The following COL23A1 variants were observed in gnomAD, a reference collection of about 807,000 sequenced individuals.
The protein encoded by COL23A1 is collagen alpha-1(XXIII) chain.
A neutral mutation model predicts 99.3 loss-of-function variants in COL23A1; 97 were observed. The ratio of observed to expected loss-of-function variants is 0.98; its 90% CI spans 0.83 to 1.16. COL23A1 has a LOEUF of 1.16. Among genes scored for constraint, COL23A1 ranks in the 50% most tolerant of loss-of-function variants. The probability of loss-of-function intolerance (pLI) is 0.00; values close to 1 mark genes in which losing one functional copy is unlikely to be tolerated. For synonymous variants in COL23A1, 320 were observed against 308.2 expected, an observed-to-expected ratio of 1.04 and a Z score of -0.40; for missense variants, 762 against 757.4, an observed-to-expected ratio of 1.01 and a Z score of -0.07.
intron 2 of COL23A1, among the ~76,000 whole-genome samples, chr5:178,541,654 C>T (rs1264651543): frequency 1.3e-5 from 2 of 152,176 alleles, no homozygotes. Flanking sequence ...TTGTACACAA[C>T]AGAAATGCAT....
At chr5:178,484,483 T>G (rs1348134062) in intron 2 of COL23A1, among the ~76,000 whole-genome samples, 1 of 152,066 alleles carries the variant, frequency 6.6e-6, no homozygotes, top group East Asian at 1.9e-4. Context: ...CATGGGACAT[T>G]ATGACTGTTT....
rs529032116 is a variant in COL23A1 at position 178,366,874 on chromosome 5, G to A, written c.362-59955C>T. Among the ~76,000 whole-genome samples, 8 of 152,304 alleles carry A rather than the reference G, an allele frequency of 5.3e-5. No individual in the cohort carries two copies. The South Asian group carries it at 1.4e-3, about 28-fold the overall frequency. ...GTCCTGCCCTCCTCTGCAGCCCCACGTGGCCCACTTGGCATGAGTGGCTGG... is the reference window on the plus strand; with the variant it reads ...GTCCTGCCCTCCTCTGCAGCCCCACATGGCCCACTTGGCATGAGTGGCTGG... On this transcript the variant is annotated intron_variant, in intron 2 of 28. Coordinates refer to ENST00000390654, the MANE Select transcript of COL23A1 (RefSeq NM_173465.4). The surrounding 1 kb of genome is among the most constrained non-coding windows in gnomAD (Gnocchi z 4.4).
intron 1 of COL23A1, among the ~76,000 whole-genome samples, chr5:178,580,914 C>A (rs942447856): frequency 1.3e-5 from 2 of 151,974 alleles, no homozygotes; most frequent in Non-Finnish European, 2.9e-5. Flanking sequence ...GAGGCTGAGG[C>A]GGAAGGATCA....
intron 2 of COL23A1, among the ~76,000 whole-genome samples, chr5:178,420,522 C>T (rs1765570697): frequency 1.3e-5 from 1 of 79,816 alleles, no homozygotes; most frequent in Non-Finnish European, 2.6e-5. Context: ...TCCTCTCCTC[C>T]CCCTCCTCAC....
chr5:178,457,093 C>T (rs571363339), intron 2 of COL23A1, among the ~76,000 whole-genome samples: 4 of 152,340 alleles, frequency 2.6e-5, no homozygotes, highest in South Asian at 2.1e-4. Flanking sequence ...GTGTGGGCCA[C>T]GTGTCTGAGG....
chr5:178,245,368 A>G (rs1764629230), intron 25 of COL23A1, among the ~76,000 whole-genome samples: 1 of 150,084 alleles, frequency 6.7e-6, no homozygotes, highest in Non-Finnish European at 1.5e-5. Context: ...CCATCCATCC[A>G]TCCATCCATC....
At chr5:178,344,907 C>A (rs922099721) in intron 2 of COL23A1, 1 of 738,618 alleles carries the variant, frequency 1.4e-6, no homozygotes, top group Non-Finnish European at 2.3e-6. Context: ...TCAGGGACAA[C>A]ACGTAGAGAA....
intron 2 of COL23A1, among the ~76,000 whole-genome samples, chr5:178,556,625 T>TAAAATAAAA (rs1554196186): frequency 8.0e-6 from 1 of 124,470 alleles, no homozygotes; most frequent in Admixed American, 8.3e-5. Context: ...CTCTGTCAAA[T>TAAAATAAAA]TAAAATAAAA....
At chr5:178,541,547 C>A (rs1213283653) in intron 2 of COL23A1, among the ~76,000 whole-genome samples, 1 of 152,162 alleles carries the variant, frequency 6.6e-6, no homozygotes, top group African/African-American at 2.4e-5. Flanking sequence ...TGCACTCCAG[C>A]CTGGGTGACA....
intron 2 of COL23A1, among the ~76,000 whole-genome samples, chr5:178,449,941 A>AC (rs1252187984): frequency 6.6e-6 from 1 of 152,202 alleles, no homozygotes; most frequent in East Asian, 1.9e-4. Context: ...CAGAAGAACA[A>AC]CACCTGACCT....
chr5:178,392,936 T>C (rs1764042908), intron 2 of COL23A1, among the ~76,000 whole-genome samples: 2 of 152,158 alleles, frequency 1.3e-5, no homozygotes, highest in Admixed American at 6.5e-5. Flanking sequence ...TTAGTGCAAC[T>C]CCTCACCAGT....
At chr5:178,367,359 C>G (rs1045278982) in intron 2 of COL23A1, among the ~76,000 whole-genome samples, 3 of 150,222 alleles carry the variant, frequency 2.0e-5, no homozygotes, top group African/African-American at 7.5e-5. Flanking sequence ...TCTGGAGCGG[C>G]AAGAAGCAGC....
intron 5 of COL23A1, among the ~76,000 whole-genome samples, chr5:178,283,185 C>T (rs984661598): frequency 5.9e-5 from 9 of 152,130 alleles, no homozygotes; most frequent in East Asian, 5.8e-4. Flanking sequence ...CGCGCCCGGC[C>T]GGGACAAGTG....
At chr5:178,253,167 G>A (rs1428793392) in intron 16 of COL23A1, among the ~76,000 whole-genome samples, 1 of 152,088 alleles carries the variant, frequency 6.6e-6, no homozygotes, top group African/African-American at 2.4e-5. Context: ...CAGGCTACCT[G>A]CCACCAGGGC....
chr5:178,452,978 G>C (rs1767569534), intron 2 of COL23A1, among the ~76,000 whole-genome samples: 1 of 152,212 alleles, frequency 6.6e-6, no homozygotes, highest in African/African-American at 2.4e-5. Flanking sequence ...GATATTGTCT[G>C]TGATGGCAAA....
At chr5:178,362,831 A>G (rs913908135) in intron 2 of COL23A1, among the ~76,000 whole-genome samples, 11 of 152,030 alleles carry the variant, frequency 7.2e-5, no homozygotes, top group Admixed American at 4.6e-4. Context: ...AGCCCAGCCC[A>G]TGGCACAGCC....
chr5:178,485,463 G>T (rs1214829718), intron 2 of COL23A1, among the ~76,000 whole-genome samples: 3 of 144,436 alleles, frequency 2.1e-5, no homozygotes, highest in Non-Finnish European at 4.5e-5. Context: ...TGACAAAAGT[G>T]AGACCCTGTC....
At chr5:178,241,903 C>A in intron 27 of COL23A1, 139 bp downstream of exon 27, 1 of 655,188 alleles carries the variant, frequency 1.5e-6, no homozygotes, top group Admixed American at 2.7e-5. Context: ...CAGCAGTGGC[C>A]CTGACAGTGA....
rs1334135320 is a variant in COL23A1 at position 178,365,170 on chromosome 5, T to TGTGTGTGTGTGTGA, written c.362-58252_362-58251insTCACACACACACAC. Among the ~76,000 whole-genome samples, 4 of 141,768 alleles carry TGTGTGTGTGTGTGA rather than the reference T, an allele frequency of 2.8e-5. No homozygotes were observed. Among genetic ancestry groups the TGTGTGTGTGTGTGA allele is most frequent in the East Asian group, 4.0e-4 (2 of 4,966 alleles). 93.0% of individuals were successfully genotyped at this position (141,768 alleles called of 152,430 possible). ...GTGTGTGTGTGTGTGTGTGTGTGTG[T>TGTGTGTGTGTGTGA]GATAAATAAGCAAAATTGTTTTCCT... On this transcript the variant is annotated intron_variant, in intron 2 of 28. Transcript: ENST00000390654. This position sits in a 1 kb window ranked among gnomAD's most constrained non-coding sequence, Gnocchi z 5.2.
Sources: allele counts gnomAD v4.1 joint callset (sites outside exome capture counted in the v4.1 genomes callset), GRCh38; gene constraint gnomAD v4.1.1; non-coding constraint Gnocchi (gnomAD v3.1); transcripts MANE v1.5; gene names NCBI Gene and HGNC (gene_info 2026-07-23, HGNC 2026-07-21).